PLA2G2C: variants seen among roughly 807,000 people sequenced by gnomAD.
The protein encoded by PLA2G2C is putative inactive group IIC secretory phospholipase A2.
Under a neutral mutation model 14.3 loss-of-function variants are expected in PLA2G2C, and 15 were observed. The observed-to-expected ratio is 1.05, with a 90% CI of 0.70 to 1.62. PLA2G2C has a LOEUF of 1.62. Ranked by LOEUF, PLA2G2C falls within the 40% of genes most tolerant of loss-of-function variation. The pLI is 0.00. For missense variants in PLA2G2C, 162 were observed against 173.2 expected (o/e 0.94, Z 0.36); for synonymous variants, 79 against 67.7 (o/e 1.17, Z -0.82).
chr1:20,176,807 T>A (rs1287539991), intron 2 of PLA2G2C, among the ~76,000 whole-genome samples: 1 of 152,214 alleles, frequency 6.6e-6, no homozygotes, highest in Non-Finnish European at 1.5e-5. Flanking sequence ...TCTATCAGTC[T>A]CCAGTAGACC....
In PLA2G2C at chr1:20,163,972, G is replaced by C. The variant is rs1392576060; in HGVS notation, c.*19C>G. ...CACTAGAGCGGATGCTGGATGATGA[G>C]AGGGACCCTGTGGTGTCCCTAGCAC... On this transcript the variant is annotated 3_prime_UTR_variant, in exon 5 of 5. Coordinates refer to ENST00000679259, the MANE Select transcript of PLA2G2C (RefSeq NM_001367969.2). The C allele has an allele frequency of 6.2e-7, 1 of 1,606,262 alleles. No individual in the cohort carries two copies. The highest frequency in any genetic ancestry group is 8.5e-7 in the Non-Finnish European group (1 of 1,175,968).
intron 4 of PLA2G2C, among the ~76,000 whole-genome samples, chr1:20,165,104 T>C (rs961861946): frequency 1.3e-5 from 2 of 152,146 alleles, no homozygotes; most frequent in East Asian, 1.9e-4. Context: ...TCCACCCTCA[T>C]CGCCCTCCCC....
At position 20,182,249 on chromosome 1, in the gene PLA2G2C, T is replaced by A. The variant is rs116370906; in HGVS notation, c.-77+4111A>T. Among the ~76,000 whole-genome samples the A allele has an allele frequency of 8.0e-3, 1,225 of 152,348 alleles. 13 individuals are homozygous for A. The highest frequency in any genetic ancestry group is 0.027 in the African/African-American group (1,143 of 41,578). On this transcript the variant is annotated intron_variant, in intron 1 of 4. Transcript: ENST00000679259. The stretch of plus-strand genomic sequence containing the variant: ...GACCACACATACGATGGTGGTCCCA[T>A]AAGATTATAAGGTAGCTGCGCTATA...
At chr1:20,175,355 G>A (rs2018165841) in intron 2 of PLA2G2C, among the ~76,000 whole-genome samples, 1 of 152,102 alleles carries the variant, frequency 6.6e-6, no homozygotes, top group Non-Finnish European at 1.5e-5. Context: ...CTAGTTTTTT[G>A]CTAACCCAGA....
chr1:20,184,646 T>C (rs2018335639), intron 1 of PLA2G2C: 1 of 152,172 alleles, frequency 6.6e-6, no homozygotes, highest in African/African-American at 2.4e-5. Context: ...TCAGAAGACA[T>C]TAGAACTGGA....
chr1:20,165,830 C>T (rs142337578), intron 4 of PLA2G2C, among the ~76,000 whole-genome samples: 12 of 152,008 alleles, frequency 7.9e-5, no homozygotes, highest in South Asian at 4.2e-4. Context: ...TGTGTGCGCG[C>T]GCGCATGTGT....
intron 3 of PLA2G2C, 70 bp downstream of exon 3, chr1:20,174,937 T>A (rs2018152308): frequency 7.0e-7 from 1 of 1,420,322 alleles, no homozygotes; most frequent in Admixed American, 2.2e-5. Context: ...CCTAACACCC[T>A]CTCTCTGGCT....
chr1:20,178,598 T>C (rs1421294040), intron 1 of PLA2G2C, among the ~76,000 whole-genome samples: 1 of 152,212 alleles, frequency 6.6e-6, no homozygotes, highest in East Asian at 1.9e-4. Context: ...GTTCTGTCTC[T>C]ACAGGCTTGC....
Position 20,170,680 on chromosome 1 carries a change from C to T in PLA2G2C, c.283+2114G>A, listed in dbSNP as rs76169079. On this transcript the variant is annotated intron_variant, in intron 4 of 4. Transcript: ENST00000679259. ...ATGACAGGGGCTGGCCTGGTCCTCA[C>T]GGGCTGGGTCAGCTGAGGAGGCGGG... Among the ~76,000 whole-genome samples, 1,043 of 152,254 alleles carry T rather than the reference C, an allele frequency of 6.9e-3. 17 individuals are homozygous for T. Among genetic ancestry groups the T allele is most frequent in the African/African-American group, 0.024 (999 of 41,550 alleles).
intron 3 of PLA2G2C, among the ~76,000 whole-genome samples, chr1:20,174,220 C>T (rs542072254): frequency 2.0e-5 from 3 of 152,262 alleles, no homozygotes; most frequent in African/African-American, 4.8e-5. Context: ...ATATTTAAGG[C>T]CCCACTGTGG....
chr1:20,169,128 G>A (rs1261440086), intron 4 of PLA2G2C, among the ~76,000 whole-genome samples: 1 of 152,188 alleles, frequency 6.6e-6, no homozygotes, highest in Non-Finnish European at 1.5e-5. Context: ...CTCTTGCAGG[G>A]GCAGCTCTTT....
intron 4 of PLA2G2C, among the ~76,000 whole-genome samples, chr1:20,164,476 C>T (rs1165987698): frequency 6.6e-6 from 1 of 152,118 alleles, no homozygotes; most frequent in Admixed American, 6.5e-5. Flanking sequence ...ATCCTCAAGC[C>T]CTTCCCTGAT....
chr1:20,166,361 G>A (rs1223441146), intron 4 of PLA2G2C, among the ~76,000 whole-genome samples: 1 of 151,944 alleles, frequency 6.6e-6, no homozygotes, highest in African/African-American at 2.4e-5. Flanking sequence ...TGGCTCTCCG[G>A]TTTTGCGGCT....
intron 4 of PLA2G2C, among the ~76,000 whole-genome samples, chr1:20,172,074 T>C (rs1189070240): frequency 6.6e-6 from 1 of 152,080 alleles, no homozygotes; most frequent in African/African-American, 2.4e-5. Flanking sequence ...AGAAGCCACT[T>C]CTTTATTTGT....
intron 1 of PLA2G2C, among the ~76,000 whole-genome samples, chr1:20,181,422 A>G (rs1396706216): frequency 6.6e-6 from 1 of 152,050 alleles, no homozygotes; most frequent in Non-Finnish European, 1.5e-5. Context: ...AGTAAGGGTA[A>G]TTGAAGCTGG....
chr1:20,183,206 T>G (rs1215478781), intron 1 of PLA2G2C, among the ~76,000 whole-genome samples: 1 of 152,196 alleles, frequency 6.6e-6, no homozygotes, highest in Non-Finnish European at 1.5e-5. Context: ...CCTGTGCTTA[T>G]CATCACCATT....
intron 1 of PLA2G2C, among the ~76,000 whole-genome samples, chr1:20,185,180 C>T (rs374737020): frequency 1.3e-5 from 2 of 152,182 alleles, no homozygotes; most frequent in South Asian, 2.1e-4. Context: ...AGAGAGAACC[C>T]AGTGGTCGGT....
At chr1:20,177,185 G>A (rs2018200715) in intron 2 of PLA2G2C, 139 bp downstream of exon 2, 1 of 683,688 alleles carries the variant, frequency 1.5e-6, no homozygotes, top group Non-Finnish European at 2.6e-6. Flanking sequence ...GGACGTTGGT[G>A]GGAGCCCGTT....
chr1:20,171,190 C>T lies in PLA2G2C; in HGVS notation c.283+1604G>A, dbSNP rs1206211894. Among the ~76,000 whole-genome samples the T allele has an allele frequency of 4.2e-5, 4 of 95,962 alleles. 1 individual carries two copies. Among genetic ancestry groups the T allele is most frequent in the Non-Finnish European group, 4.4e-5 (2 of 45,258 alleles). The allele number at this position is 95,962 out of a possible 152,430, so 63.0% of individuals were successfully genotyped here. On this transcript the variant is annotated intron_variant, in intron 4 of 4. Transcript: ENST00000679259. ...TGGAGGCCACCTTCTCCAGTCCCCT[C>T]TCCCCATCCCTCCCACCAGGCCCTG...
Sources: gnomAD v4.1 joint callset for allele counts (sites outside exome capture counted in the v4.1 genomes callset) on GRCh38, gnomAD v4.1.1 for gene constraint, MANE v1.5 for transcripts, NCBI Gene and HGNC (gene_info 2026-07-23, HGNC 2026-07-21) for gene names.